The following MRTFA variants were observed in gnomAD, a reference collection of about 807,000 sequenced individuals.
MRTFA encodes myocardin-related transcription factor A.
Under a neutral mutation model 83.5 loss-of-function variants are expected in MRTFA, and 20 were observed. That is an observed-to-expected ratio of 0.24 (90% CI 0.17 to 0.35). The LOEUF (loss-of-function observed/expected upper bound fraction) is 0.35, where lower values mean the gene tolerates loss of function less well. MRTFA is among the 10% of genes least tolerant of loss of function. MRTFA has a pLI of 1.00. For synonymous variants in MRTFA, 659 were observed against 541.2 expected, an observed-to-expected ratio of 1.22 and a Z score of -3.02; for missense variants, 1,200 against 1,224.7, an observed-to-expected ratio of 0.98 and a Z score of 0.30.
At chr22:40,439,021 T>G (rs2053224157) in intron 4 of MRTFA, among the ~76,000 whole-genome samples, 1 of 152,186 alleles carries the variant, frequency 6.6e-6, no homozygotes, top group Non-Finnish European at 1.5e-5. Flanking sequence ...TCATTCTACA[T>G]GGTAGGTAAT....
At chr22:40,427,889 G>C (rs1253779907) in intron 7 of MRTFA, among the ~76,000 whole-genome samples, 1 of 152,168 alleles carries the variant, frequency 6.6e-6, no homozygotes, top group Admixed American at 6.5e-5. Flanking sequence ...AGGACATAGA[G>C]TGGGGGCTCT....
chr22:40,530,191 T>C (rs1251785488), intron 3 of MRTFA, among the ~76,000 whole-genome samples: 1 of 152,224 alleles, frequency 6.6e-6, no homozygotes, highest in African/African-American at 2.4e-5. Flanking sequence ...AAGAGCCAAG[T>C]CCTAGCATTT....
intron 7 of MRTFA, among the ~76,000 whole-genome samples, chr22:40,426,022 G>A (rs1019969328): frequency 2.6e-5 from 4 of 152,222 alleles, no homozygotes; most frequent in Non-Finnish European, 1.5e-5. Context: ...AGGGCACACT[G>A]AGGAGAGACT....
chr22:40,577,153 G>A (rs977394576), intron 2 of MRTFA, among the ~76,000 whole-genome samples: 2 of 150,748 alleles, frequency 1.3e-5, no homozygotes, highest in African/African-American at 2.4e-5. Context: ...AGCCTGGGAG[G>A]TCGAGGCTGC....
At position 40,503,701 on chromosome 22, in the gene MRTFA, T is replaced by C. The variant is rs1602350137; in HGVS notation, c.242-40415A>G. On this transcript the variant is annotated intron_variant, in intron 3 of 14. Coordinates refer to ENST00000355630, the MANE Select transcript of MRTFA (RefSeq NM_020831.6). ...CAACACTTTGGGAGGCCAAGGCAGG[T>C]GGATCACTTGAGGTCAGGAGTTGGA... is the stretch of plus-strand genomic sequence containing the variant. 2.0e-5 allele frequency among the ~76,000 whole-genome samples: 3 copies of C among 152,160 alleles called. No individual in the cohort carries two copies. In the South Asian group the frequency reaches 6.2e-4, roughly 32 times the overall value.
At chr22:40,428,734 C>T (rs924783219) in intron 7 of MRTFA, among the ~76,000 whole-genome samples, 9 of 152,052 alleles carry the variant, frequency 5.9e-5, no homozygotes, top group African/African-American at 1.9e-4. Context: ...GTTGCCCAGG[C>T]TGGTCTCAAA....
chr22:40,475,468 C>T (rs949231501), intron 3 of MRTFA, among the ~76,000 whole-genome samples: 13 of 151,826 alleles, frequency 8.6e-5, no homozygotes, highest in East Asian at 5.9e-4. Flanking sequence ...ATCTGGGAGG[C>T]GGAGGTTGCA....
At chr22:40,419,796 C>T (rs1255171502) in intron 11 of MRTFA, among the ~76,000 whole-genome samples, 1 of 152,184 alleles carries the variant, frequency 6.6e-6, no homozygotes, top group African/African-American at 2.4e-5. Context: ...TGGTCCAATC[C>T]ATCTTCTGAT....
chr22:40,587,944 G>A, intron 2 of MRTFA: 1 of 380,008 alleles, frequency 2.6e-6, no homozygotes, highest in Non-Finnish European at 5.1e-6. Context: ...TGACATTTTT[G>A]CCAGATGACT....
intron 3 of MRTFA, among the ~76,000 whole-genome samples, chr22:40,490,947 A>C (rs2147201805): frequency 6.6e-6 from 1 of 152,244 alleles, no homozygotes; most frequent in Admixed American, 6.5e-5. Context: ...ATAACCTAGA[A>C]CTCTTCTAAA....
At chr22:40,547,853 C>CACA (rs2055389313) in intron 3 of MRTFA, among the ~76,000 whole-genome samples, 1 of 51,278 alleles carries the variant, frequency 2.0e-5, no homozygotes, top group East Asian at 5.3e-4. Flanking sequence ...GACTGTCTCC[C>CACA]AAAAAAAAAA....
At chr22:40,611,578 C>T (rs1044859272) in intron 1 of MRTFA, among the ~76,000 whole-genome samples, 1 of 152,138 alleles carries the variant, frequency 6.6e-6, no homozygotes, top group Non-Finnish European at 1.5e-5. Flanking sequence ...AGTTTAGACT[C>T]ATGCTAACTT....
intron 3 of MRTFA, among the ~76,000 whole-genome samples, chr22:40,468,055 TCAAA>T (rs1364556445): frequency 6.6e-6 from 1 of 152,160 alleles, no homozygotes; most frequent in Admixed American, 6.5e-5. Context: ...TTTACCTGCC[TCAAA>T]CAAAGGCATC....
At chr22:40,630,747 G>C (rs995985267) in intron 1 of MRTFA, among the ~76,000 whole-genome samples, 1 of 152,088 alleles carries the variant, frequency 6.6e-6, no homozygotes, top group African/African-American at 2.4e-5. Flanking sequence ...CTGTTAACCA[G>C]GCTGGAGCAC....
intron 1 of MRTFA, among the ~76,000 whole-genome samples, chr22:40,598,291 C>CT (rs1196704583): frequency 1.3e-5 from 2 of 150,946 alleles, no homozygotes; most frequent in Non-Finnish European, 2.9e-5. Flanking sequence ...CATTCACTGA[C>CT]TAAGCCCCTT....
chr22:40,416,346 C>G lies in MRTFA; in HGVS notation c.2578+640G>C, dbSNP rs554440004. Among the ~76,000 whole-genome samples the G allele has an allele frequency of 1.3e-5, 2 of 152,264 alleles. No homozygotes were observed. The highest frequency in any genetic ancestry group is 2.9e-5 in the Non-Finnish European group (2 of 68,042). ...TCTCCAGTCGCCCCCCAACCTGGGG[C>G]TCCCTGCTTCTGCCCTTGCACGGCT... is the stretch of plus-strand genomic sequence containing the variant. On this transcript the variant is annotated intron_variant, in intron 14 of 14. Coordinates refer to ENST00000355630, the MANE Select transcript of MRTFA (RefSeq NM_020831.6). The surrounding 1 kb of genome is among the most constrained non-coding windows in gnomAD (Gnocchi z 4.2).
chr22:40,469,394 T>C (rs1351153411), intron 3 of MRTFA, among the ~76,000 whole-genome samples: 1 of 152,190 alleles, frequency 6.6e-6, no homozygotes, highest in Non-Finnish European at 1.5e-5. Flanking sequence ...TCTCGCCATG[T>C]GACACTCCTG....
chr22:40,511,317 G>C (rs1288374192), intron 3 of MRTFA, among the ~76,000 whole-genome samples: 2 of 152,184 alleles, frequency 1.3e-5, no homozygotes, highest in African/African-American at 4.8e-5. Flanking sequence ...TTTCTGGCTA[G>C]GGCAACTGGC....
intron 1 of MRTFA, among the ~76,000 whole-genome samples, chr22:40,614,728 C>T (rs1318554312): frequency 6.6e-6 from 1 of 152,178 alleles, no homozygotes; most frequent in Admixed American, 6.6e-5. Flanking sequence ...CTCAGGTGAT[C>T]TGCCTGCCTC....
Sources: allele counts gnomAD v4.1 joint callset (sites outside exome capture counted in the v4.1 genomes callset), GRCh38; gene constraint gnomAD v4.1.1; non-coding constraint Gnocchi (gnomAD v3.1); transcripts MANE v1.5; gene names NCBI Gene and HGNC (gene_info 2026-07-23, HGNC 2026-07-21).